Variants in NRXN3 observed in about 807,000 individuals in gnomAD.
The protein encoded by NRXN3 is neurexin III.
In NRXN3, 32 loss-of-function variants were observed where a neutral mutation model predicts 137.6. That is an observed-to-expected ratio of 0.23 (90% CI 0.18 to 0.31). NRXN3 has a LOEUF of 0.31. NRXN3 is among the 10% of genes least tolerant of loss of function. NRXN3 has a pLI of 1.00. For missense variants in NRXN3, 1,574 were observed against 2,062.5 expected (o/e 0.76, Z 4.59); for synonymous variants, 798 against 784.5 (o/e 1.02, Z -0.29).
At chr14:79,400,203 A>G (rs1051271533) in intron 15 of NRXN3, among the ~76,000 whole-genome samples, 4 of 151,938 alleles carry the variant, frequency 2.6e-5, no homozygotes, top group South Asian at 2.1e-4. Flanking sequence ...TAAATATCCT[A>G]TTGTCTTGTT....
chr14:78,709,708 A>C, intron 7 of NRXN3, 53 bp downstream of exon 7: 2 of 1,519,386 alleles, frequency 1.3e-6, no homozygotes, highest in Non-Finnish European at 1.8e-6. Flanking sequence ...GTAGCTTCTC[A>C]GTTTGTTTTT....
intron 16 of NRXN3, among the ~76,000 whole-genome samples, chr14:79,561,049 C>T (rs979820428): frequency 3.3e-5 from 5 of 152,120 alleles, no homozygotes; most frequent in African/African-American, 1.2e-4. Context: ...GAAGTCTTTG[C>T]CACCATCCGG....
chr14:78,456,799 C>CTTTT (rs1177466177), intron 4 of NRXN3, among the ~76,000 whole-genome samples: 1 of 97,620 alleles, frequency 1.0e-5, no homozygotes, highest in African/African-American at 3.5e-5. Context: ...CTCTCTTTCT[C>CTTTT]TCTTTCTTTC....
chr14:78,849,563 C>A (rs906066823), intron 10 of NRXN3, among the ~76,000 whole-genome samples: 8 of 152,146 alleles, frequency 5.3e-5, no homozygotes, highest in African/African-American at 1.7e-4. Flanking sequence ...CATAAGTTTA[C>A]ATCTTACGCT....
intron 16 of NRXN3, among the ~76,000 whole-genome samples, chr14:79,663,037 A>T (rs1426125887): frequency 6.6e-6 from 1 of 152,064 alleles, no homozygotes; most frequent in Admixed American, 6.6e-5. Flanking sequence ...TTTGATGGCC[A>T]CAGAGGTTCT....
At chr14:78,510,211 T>A (rs1599667495) in intron 4 of NRXN3, among the ~76,000 whole-genome samples, 2 of 151,882 alleles carry the variant, frequency 1.3e-5, no homozygotes, top group South Asian at 2.1e-4. Context: ...GTAATTTTTT[T>A]ATCATGAATT....
chr14:79,712,155 T>C (rs2098806707), intron 19 of NRXN3, among the ~76,000 whole-genome samples: 2 of 152,232 alleles, frequency 1.3e-5, no homozygotes, highest in African/African-American at 4.8e-5. Context: ...TGCCCTAAAG[T>C]CCTGCTCTAT....
At chr14:79,397,493 C>A (rs2095060417) in intron 15 of NRXN3, among the ~76,000 whole-genome samples, 1 of 152,146 alleles carries the variant, frequency 6.6e-6, no homozygotes, top group Non-Finnish European at 1.5e-5. Context: ...TGGCACTTTG[C>A]CTCCCTGTTT....
chr14:78,709,755 T>G, intron 7 of NRXN3, 100 bp downstream of exon 7: 2 of 1,047,396 alleles, frequency 1.9e-6, no homozygotes, highest in Non-Finnish European at 2.8e-6. Flanking sequence ...CTTGCATGCT[T>G]GTTGATTCTT....
intron 1 of NRXN3, among the ~76,000 whole-genome samples, chr14:78,176,798 G>T (rs940802523): frequency 2.0e-5 from 3 of 151,990 alleles, no homozygotes; most frequent in African/African-American, 7.3e-5. Flanking sequence ...TGCTGCTGTG[G>T]GGGCTGCCTG....
At chr14:79,648,441 C>T (rs2098461318) in intron 16 of NRXN3, among the ~76,000 whole-genome samples, 1 of 135,438 alleles carries the variant, frequency 7.4e-6, no homozygotes, top group African/African-American at 2.5e-5. Flanking sequence ...ATGTTGAAAA[C>T]TAATTCACAT....
chr14:78,276,215 A>C (rs746849343), intron 2 of NRXN3, among the ~76,000 whole-genome samples: 15 of 152,164 alleles, frequency 9.9e-5, no homozygotes, highest in Non-Finnish European at 2.2e-4. Context: ...TGCCAAATTG[A>C]GACTTGAGGA....
chr14:78,183,961 T>C (rs1424717323), intron 1 of NRXN3, among the ~76,000 whole-genome samples: 1 of 152,228 alleles, frequency 6.6e-6, no homozygotes, highest in East Asian at 1.9e-4. Flanking sequence ...TGGATGACAG[T>C]CACTTTTTTC....
intron 10 of NRXN3, among the ~76,000 whole-genome samples, chr14:78,865,752 G>A (rs2099085143): frequency 1.3e-5 from 2 of 152,080 alleles, no homozygotes; most frequent in African/African-American, 2.4e-5. Flanking sequence ...GGTTTTCCAG[G>A]CATTGTTGTA....
At position 79,643,193 on chromosome 14, in the gene NRXN3, C is replaced by G. The variant is rs377678283; in HGVS notation, c.3445-20585C>G. Among the ~76,000 whole-genome samples, 29 of 136,144 alleles carry G rather than the reference C, an allele frequency of 2.1e-4. 4 individuals carry two copies. The South Asian group carries it at 3.0e-3, about 14-fold the overall frequency. The allele number at this position is 136,144 out of a possible 152,430, so 89.3% of individuals were successfully genotyped here. A position where few individuals can be genotyped will look rare whatever the true frequency, so the allele number is the denominator to read the frequency against. On this transcript the variant is annotated intron_variant, in intron 16 of 20. Coordinates refer to ENST00000335750, the MANE Select transcript of NRXN3 (RefSeq NM_001330195.2). ...TTAGTCCCAACTCACTAAATCTCCT[C>G]TACAATGTCTCTAAAAATTATCCAA...
At chr14:79,666,147 T>C (rs1304349709) in intron 17 of NRXN3, among the ~76,000 whole-genome samples, 1 of 152,168 alleles carries the variant, frequency 6.6e-6, no homozygotes, top group East Asian at 1.9e-4. Context: ...GTTTTTATTT[T>C]TCTCCTCTGA....
intron 10 of NRXN3, among the ~76,000 whole-genome samples, chr14:78,856,366 T>G (rs2099057054): frequency 6.6e-6 from 1 of 152,182 alleles, no homozygotes; most frequent in African/African-American, 2.4e-5. Flanking sequence ...TATCCAAAAA[T>G]TTAGAGGGTA....
intron 6 of NRXN3, among the ~76,000 whole-genome samples, chr14:78,705,019 G>C (rs936707978): frequency 1.3e-5 from 2 of 152,168 alleles, no homozygotes; most frequent in Non-Finnish European, 2.9e-5. Flanking sequence ...TCCTAAGCAT[G>C]AGTCACGTGT....
At chr14:79,740,993 C>T (rs2098961332) in intron 19 of NRXN3, among the ~76,000 whole-genome samples, 1 of 151,538 alleles carries the variant, frequency 6.6e-6, no homozygotes, top group African/African-American at 2.4e-5. Context: ...GTTCTTGTTC[C>T]AGTATCTTAT....
Sources: gnomAD v4.1 joint callset for allele counts (sites outside exome capture counted in the v4.1 genomes callset) on GRCh38, gnomAD v4.1.1 for gene constraint, MANE v1.5 for transcripts, NCBI Gene and HGNC (gene_info 2026-07-23, HGNC 2026-07-21) for gene names.